Variants in KAZN observed in about 807,000 individuals in gnomAD.
KAZN encodes kazrin, periplakin interacting protein, also known as kazrin.
A neutral mutation model predicts 87.4 loss-of-function variants in KAZN; 40 were observed. The observed-to-expected ratio is 0.46, with a 90% CI of 0.36 to 0.60. The LOEUF (loss-of-function observed/expected upper bound fraction) is 0.60, where lower values mean the gene tolerates loss of function less well. KAZN is among the 20% of genes least tolerant of loss of function. KAZN has a pLI of 0.00. For synonymous variants in KAZN, 466 were observed against 458.3 expected, an observed-to-expected ratio of 1.02 and a Z score of -0.22; for missense variants, 898 against 1,073.9, an observed-to-expected ratio of 0.84 and a Z score of 2.29.
chr1:15,019,896 C>T (rs1269021515), intron 2 of KAZN, among the ~76,000 whole-genome samples: 1 of 152,172 alleles, frequency 6.6e-6, no homozygotes, highest in Non-Finnish European at 1.5e-5. Context: ...AAGCCACCAC[C>T]TTTCATCATG....
intron 1 of KAZN, among the ~76,000 whole-genome samples, chr1:14,777,580 C>G (rs1645217331): frequency 6.6e-6 from 1 of 152,144 alleles, no homozygotes; most frequent in African/African-American, 2.4e-5. Flanking sequence ...CTCCTTAGGA[C>G]CTTCTTTCTG....
intron 1 of KAZN, among the ~76,000 whole-genome samples, chr1:13,955,914 C>G (rs967236878): frequency 2.0e-5 from 3 of 152,124 alleles, no homozygotes; most frequent in Non-Finnish European, 4.4e-5. Context: ...CAGCCTGCGG[C>G]CCATGATTGT....
At chr1:14,527,069 T>A (rs573434079) in intron 2 of KAZN, among the ~76,000 whole-genome samples, 1 of 152,212 alleles carries the variant, frequency 6.6e-6, no homozygotes, top group South Asian at 2.1e-4. Flanking sequence ...CCGAATTCAA[T>A]GGATTAAAAC....
intron 1 of KAZN, among the ~76,000 whole-genome samples, chr1:14,807,308 C>T (rs188558629): frequency 6.6e-5 from 10 of 152,204 alleles, no homozygotes; most frequent in South Asian, 2.1e-4. Context: ...TGTGGCTTTG[C>T]GAGTCATTCT....
At chr1:14,468,153 GA>G (rs1668265046) in intron 2 of KAZN, among the ~76,000 whole-genome samples, 1 of 152,054 alleles carries the variant, frequency 6.6e-6, no homozygotes, top group African/African-American at 2.4e-5. Flanking sequence ...GAGGGACATG[GA>G]AAAAAAGTCA....
At chr1:14,163,212 G>A (rs1381272147) in intron 1 of KAZN, among the ~76,000 whole-genome samples, 1 of 152,130 alleles carries the variant, frequency 6.6e-6, no homozygotes, top group Admixed American at 6.5e-5. Context: ...GAGCAGGAGT[G>A]AAAGTTTATT....
intron 2 of KAZN, among the ~76,000 whole-genome samples, chr1:15,020,498 G>T (rs1361849547): frequency 3.3e-5 from 5 of 152,110 alleles, no homozygotes; most frequent in Admixed American, 3.3e-4. Context: ...TGCCCCTCTT[G>T]CATCGTCTCT....
chr1:14,041,047 C>T (rs1450687981), intron 1 of KAZN, among the ~76,000 whole-genome samples: 4 of 152,172 alleles, frequency 2.6e-5, no homozygotes, highest in African/African-American at 9.6e-5. Context: ...GTGCCCCATT[C>T]GCTTGGCAGC....
chr1:14,060,105 C>T (rs1642729562), intron 1 of KAZN, among the ~76,000 whole-genome samples: 2 of 150,508 alleles, frequency 1.3e-5, no homozygotes, highest in Non-Finnish European at 2.9e-5. Context: ...TGGTTCACGC[C>T]TGTAATCCAG....
At chr1:13,989,253 G>C (rs1639169096) in intron 1 of KAZN, among the ~76,000 whole-genome samples, 1 of 152,014 alleles carries the variant, frequency 6.6e-6, no homozygotes, top group African/African-American at 2.4e-5. Context: ...TAGGCTTTTG[G>C]GGGGACACAT....
chr1:13,998,526 G>C (rs768336865), intron 1 of KAZN, among the ~76,000 whole-genome samples: 3 of 151,814 alleles, frequency 2.0e-5, no homozygotes, highest in Non-Finnish European at 4.4e-5. Context: ...AGGGATGGAG[G>C]AATATTTACC....
chr1:14,988,282 G>A (rs12568025), intron 2 of KAZN, among the ~76,000 whole-genome samples: 4 of 152,082 alleles, frequency 2.6e-5, no homozygotes, highest in African/African-American at 7.2e-5. Context: ...TCCTCCTCCC[G>A]GGGCTTCCTC....
chr1:15,085,348 G>A lies in KAZN; in HGVS notation c.1223-8832G>A, dbSNP rs34730053. On this transcript the variant is annotated intron_variant, in intron 8 of 14. Coordinates refer to ENST00000376030, the MANE Select transcript of KAZN (RefSeq NM_201628.3). ...GCCATTATTATTTTGTTTTTTTTGA[G>A]ATGGAGTTTCACTCTGTCACCCAGG... Among the ~76,000 whole-genome samples, 522 of 152,086 alleles carry A rather than the reference G, an allele frequency of 3.4e-3. 5 individuals are homozygous for A. Among genetic ancestry groups the A allele is most frequent in the Non-Finnish European group, 4.3e-3 (293 of 68,006 alleles).
chr1:14,062,059 G>A (rs1199686887), intron 1 of KAZN, among the ~76,000 whole-genome samples: 3 of 152,154 alleles, frequency 2.0e-5, no homozygotes, highest in African/African-American at 4.8e-5. Flanking sequence ...AACAGGAAGC[G>A]TGGTGCACCC....
In KAZN at chr1:14,420,465, C is replaced by G. The variant is rs1167287249; in HGVS notation, c.250-178518C>G. 3.3e-5 allele frequency among the ~76,000 whole-genome samples: 5 copies of G among 152,312 alleles called. 1 individual carries two copies. Among genetic ancestry groups the G allele is most frequent in the Admixed American group, 3.3e-4 (5 of 15,304 alleles). On this transcript the variant is annotated intron_variant, in intron 2 of 16. Transcript: ENST00000636203. ...CACCGGAGCCACGGGGGGAGCTGCC[C>G]GCAAGTCCCGCACCATGCACCCACA... is the stretch of plus-strand genomic sequence containing the variant.
At chr1:14,470,151 G>C (rs1327198016) in intron 2 of KAZN, among the ~76,000 whole-genome samples, 5 of 152,188 alleles carry the variant, frequency 3.3e-5, no homozygotes, top group Admixed American at 3.3e-4. Context: ...ACAACAAACA[G>C]AATGAGAATA....
chr1:14,945,558 G>A (rs1042375222), intron 1 of KAZN, among the ~76,000 whole-genome samples: 5 of 151,904 alleles, frequency 3.3e-5, no homozygotes, highest in Admixed American at 6.6e-5. Context: ...CCCCCACCCC[G>A]GCTGGCTCCC....
At chr1:14,989,580 C>CT (rs1667157343) in intron 2 of KAZN, among the ~76,000 whole-genome samples, 1 of 152,234 alleles carries the variant, frequency 6.6e-6, no homozygotes, top group South Asian at 2.1e-4. Flanking sequence ...ACTGTGGGCT[C>CT]TGAGTTCAAA....
At chr1:14,076,422 G>T (rs1344329217) in intron 1 of KAZN, among the ~76,000 whole-genome samples, 1 of 152,176 alleles carries the variant, frequency 6.6e-6, no homozygotes, top group Non-Finnish European at 1.5e-5. Context: ...GAAGCTGGGG[G>T]AGAGGCAAGG....
Sources: gnomAD v4.1 joint callset for allele counts (sites outside exome capture counted in the v4.1 genomes callset) on GRCh38, gnomAD v4.1.1 for gene constraint, MANE v1.5 for transcripts, NCBI Gene and HGNC (gene_info 2026-07-23, HGNC 2026-07-21) for gene names.